UGT2A1: variants seen among roughly 807,000 people sequenced by gnomAD.
The protein encoded by UGT2A1 is UDP glucuronosyltransferase family 2 member A1 complex locus.
A neutral mutation model predicts 45.4 loss-of-function variants in UGT2A1; 61 were observed. That is an observed-to-expected ratio of 1.34 (90% CI 1.09 to 1.66). The LOEUF (loss-of-function observed/expected upper bound fraction) is 1.66. UGT2A1 is among the 40% of genes most tolerant of loss of function. The probability of loss-of-function intolerance (pLI) is 0.00; values close to 1 mark genes in which losing one functional copy is unlikely to be tolerated. For missense variants in UGT2A1, 649 were observed against 574.3 expected, an observed-to-expected ratio of 1.13 and a Z score of -1.33; for synonymous variants, 229 against 196.2, an observed-to-expected ratio of 1.17 and a Z score of -1.40.
At chr4:69,644,950 C>T (rs1722189251) in intron 2 of UGT2A1, among the ~76,000 whole-genome samples, 1 of 151,810 alleles carries the variant, frequency 6.6e-6, no homozygotes. Flanking sequence ...GCTAATGTGT[C>T]AGTAGGTATC....
intron 4 of UGT2A1, chr4:69,596,282 T>C (rs1577946269): frequency 6.2e-7 from 1 of 1,606,458 alleles, no homozygotes; most frequent in South Asian, 1.1e-5. Context: ...GCTGAGGCAA[T>C]AAGATTGGCC....
chr4:69,610,870 G>T lies in UGT2A1; in HGVS notation c.848-11476C>A, dbSNP rs17147507. Among the ~76,000 whole-genome samples, 93 of 152,148 alleles carry T rather than the reference G, an allele frequency of 6.1e-4. 1 individual carries two copies. The highest frequency in any genetic ancestry group is 1.0e-3 in the Admixed American group (16 of 15,272). On this transcript the variant is annotated intron_variant, in intron 3 of 6. Transcript: ENST00000286604. ...GTTCTTGTATTAGTTTGCTAGCACT[G>T]CTACAGCTACACACCACTGGTTAGG...
At chr4:69,644,918 AAC>A (rs1308487836) in intron 2 of UGT2A1, among the ~76,000 whole-genome samples, 1 of 151,826 alleles carries the variant, frequency 6.6e-6, no homozygotes, top group Non-Finnish European at 1.5e-5. Context: ...GTTGTTTTAG[AAC>A]AGAGATCTGT....
intron 2 of UGT2A1, chr4:69,639,562 C>T (rs1432081771): frequency 6.2e-7 from 1 of 1,611,816 alleles, no homozygotes; most frequent in African/African-American, 1.3e-5. Flanking sequence ...CCACTTAGAA[C>T]AACTTCAGTC....
At chr4:69,620,319 G>A (rs906114343) in intron 3 of UGT2A1, among the ~76,000 whole-genome samples, 4 of 141,292 alleles carry the variant, frequency 2.8e-5, no homozygotes, top group Non-Finnish European at 6.3e-5. Context: ...AAAAATCACT[G>A]CCATTCCTAT....
At chr4:69,617,119 A>G (rs769234768) in intron 3 of UGT2A1, among the ~76,000 whole-genome samples, 7 of 151,966 alleles carry the variant, frequency 4.6e-5, no homozygotes, top group Non-Finnish European at 1.0e-4. Context: ...TTACAGAACT[A>G]TTGTTAGTAT....
chr4:69,618,995 C>A (rs987988793), intron 3 of UGT2A1, among the ~76,000 whole-genome samples: 1 of 151,298 alleles, frequency 6.6e-6, no homozygotes, highest in African/African-American at 2.4e-5. Context: ...TTTAATTATG[C>A]AATAATATAT....
At chr4:69,617,053 A>G (rs1720447118) in intron 3 of UGT2A1, among the ~76,000 whole-genome samples, 2 of 151,908 alleles carry the variant, frequency 1.3e-5, no homozygotes, top group South Asian at 4.1e-4. Flanking sequence ...TCCAATTGCC[A>G]GGAAATTCTC....
In UGT2A1 at chr4:69,599,352, A is replaced by G; in HGVS notation, c.890T>C (p.Ile297Thr). 1 of 1,613,790 alleles carries G rather than the reference A, an allele frequency of 6.2e-7. No homozygotes were observed. Among genetic ancestry groups the G allele is most frequent in the Non-Finnish European group, 8.5e-7 (1 of 1,179,894 alleles). ...TLCETMGKAE[I>T]WLIRTYWDFE... ...ATCCCAATATGTTCGGATTAACCAAATTTCAGCTTTCCCCATAGTCTCACA... is the reference window on the plus strand; with the variant it reads ...ATCCCAATATGTTCGGATTAACCAAGTTTCAGCTTTCCCCATAGTCTCACA... The change falls in exon 4 of 7, where the codon ATT becomes ACT. Residue 297 changes from isoleucine (I) to threonine (T), a missense_variant. Transcript: ENST00000286604.
intron 6 of UGT2A1, among the ~76,000 whole-genome samples, chr4:69,593,875 T>C (rs1718731214): frequency 1.3e-5 from 2 of 151,992 alleles, no homozygotes; most frequent in South Asian, 4.1e-4. Flanking sequence ...ACTAATTAGT[T>C]TATAATATTA....
At chr4:69,645,977 T>C (rs990096723) in intron 2 of UGT2A1, among the ~76,000 whole-genome samples, 2 of 151,966 alleles carry the variant, frequency 1.3e-5, no homozygotes, top group Admixed American at 6.6e-5. Flanking sequence ...AATATCCTTA[T>C]GCATTATCTG....
In UGT2A1 at chr4:69,647,601, A is replaced by C. The variant is rs754697539; in HGVS notation, c.44T>G (p.Ile15Arg). The change falls in exon 2 of 7, where the codon ATA (isoleucine) becomes AGA (arginine). Residue 15 changes from isoleucine (I) to arginine (R), a missense_variant. By Grantham distance (97) the Ile-to-Arg change is moderately conservative. Coordinates refer to ENST00000286604, the MANE Select transcript of UGT2A1 (RefSeq NM_001252275.3). Reference sequence around the variant, plus strand: ...AACATTCCCACCAAGAGTGGTTCCTATGAGACTTATCTGAAGGGAGAACAG... The same window carrying C: ...AACATTCCCACCAAGAGTGGTTCCTCTGAGACTTATCTGAAGGGAGAACAG... ...LLLFSLQISL[I>R]GTTLGGNVLI... is the part of the protein sequence containing the mutation. The C allele has an allele frequency of 5.6e-6, 9 of 1,604,998 alleles. No homozygotes were observed. The highest frequency in any genetic ancestry group is 7.7e-6 in the Non-Finnish European group (9 of 1,176,004).
chr4:69,593,528 C>T (rs995902863), intron 6 of UGT2A1, among the ~76,000 whole-genome samples: 4 of 151,068 alleles, frequency 2.6e-5, no homozygotes, highest in African/African-American at 9.7e-5. Flanking sequence ...TATATATACA[C>T]ACACACTATC....
intron 3 of UGT2A1, among the ~76,000 whole-genome samples, chr4:69,600,820 A>AG (rs375203189): frequency 6.6e-6 from 1 of 151,302 alleles, no homozygotes; most frequent in East Asian, 2.0e-4. Flanking sequence ...AAAAAAAAAA[A>AG]CAGATCTCGT....
At chr4:69,596,163 T>G (rs1460802031) in intron 4 of UGT2A1, 7 of 1,368,802 alleles carry the variant, frequency 5.1e-6, no homozygotes. Flanking sequence ...TAATGAGTTT[T>G]GATTTTCATA....
intron 6 of UGT2A1, among the ~76,000 whole-genome samples, chr4:69,591,393 G>T (rs1453413067): frequency 6.6e-6 from 1 of 152,124 alleles, no homozygotes; most frequent in Non-Finnish European, 1.5e-5. Flanking sequence ...AACATATTCT[G>T]GTTGACAATT....
chr4:69,612,761 C>T (rs1419910479), intron 3 of UGT2A1, among the ~76,000 whole-genome samples: 1 of 151,806 alleles, frequency 6.6e-6, no homozygotes, highest in Non-Finnish European at 1.5e-5. Context: ...TGGAAGACCT[C>T]AAAGTATAAA....
At chr4:69,636,656 T>G (rs1443855052) in intron 2 of UGT2A1, among the ~76,000 whole-genome samples, 1 of 152,154 alleles carries the variant, frequency 6.6e-6, no homozygotes, top group Non-Finnish European at 1.5e-5. Context: ...ATTTATTTTT[T>G]GTAGATTTTT....
chr4:69,624,153 G>A (rs867926411), intron 3 of UGT2A1, among the ~76,000 whole-genome samples: 10 of 151,166 alleles, frequency 6.6e-5, no homozygotes, highest in African/African-American at 1.9e-4. Flanking sequence ...CTTTCTTTAC[G>A]TTGATCCTCT....
Sources: gnomAD v4.1 joint callset for allele counts (sites outside exome capture counted in the v4.1 genomes callset) on GRCh38, gnomAD v4.1.1 for gene constraint, MANE v1.5 for transcripts, NCBI Gene and HGNC (gene_info 2026-07-23, HGNC 2026-07-21) for gene names.